THRB: variants seen among roughly 807,000 people sequenced by gnomAD.
The protein encoded by THRB is nuclear receptor subfamily 1 group A member 2.
Under a neutral mutation model 47.8 loss-of-function variants are expected in THRB, and 12 were observed. The observed-to-expected ratio is 0.25, with a 90% CI of 0.16 to 0.41. The LOEUF (loss-of-function observed/expected upper bound fraction) is 0.41, where lower values mean the gene tolerates loss of function less well. Among genes scored for constraint, THRB ranks in the 10% least tolerant of loss-of-function variants. The pLI, the probability that THRB is intolerant of heterozygous loss-of-function variation, is 1.00. For missense variants in THRB, 348 were observed against 589.2 expected (o/e 0.59, Z 4.24); for synonymous variants, 218 against 212.2 (o/e 1.03, Z -0.24).
chr3:24,426,169 G>A (rs758435120), intron 1 of THRB, among the ~76,000 whole-genome samples: 18 of 151,760 alleles, frequency 1.2e-4, no homozygotes, highest in South Asian at 2.1e-4. Flanking sequence ...GCTACCTATC[G>A]ATAATCTATC....
intron 3 of THRB, among the ~76,000 whole-genome samples, chr3:24,271,256 G>A (rs1290516727): frequency 6.6e-6 from 1 of 152,124 alleles, no homozygotes; most frequent in East Asian, 1.9e-4. Context: ...GAAACTGTAT[G>A]CATGCGGCTT....
chr3:24,151,269 T>C lies in THRB; in HGVS notation c.384+1121A>G, dbSNP rs560410481. On this transcript the variant is annotated intron_variant, in intron 6 of 10. Transcript: ENST00000646209. ...CGTACAAAAACATAGGGAATTTGCA[T>C]GGAAAATCTTCCACTAGGGAAAAGG... Among the ~76,000 whole-genome samples, 30 of 152,306 alleles carry C rather than the reference T, an allele frequency of 2.0e-4. No individual in the cohort carries two copies. The East Asian group carries it at 5.2e-3, about 26-fold the overall frequency.
intron 3 of THRB, among the ~76,000 whole-genome samples, chr3:24,276,356 C>T (rs868699420): frequency 2.0e-5 from 3 of 152,150 alleles, no homozygotes; most frequent in East Asian, 1.9e-4. Context: ...AATGCATTCA[C>T]CAAACATTTA....
chr3:24,323,217 A>T (rs149872734), intron 2 of THRB, among the ~76,000 whole-genome samples: 1 of 148,308 alleles, frequency 6.7e-6, no homozygotes, highest in East Asian at 2.0e-4. Context: ...ATTCCTACGC[A>T]CGGTTTTTGG....
chr3:24,373,048 T>C (rs958548436), intron 1 of THRB, among the ~76,000 whole-genome samples: 2 of 151,582 alleles, frequency 1.3e-5, no homozygotes, highest in Admixed American at 6.6e-5. Context: ...GACTCTGGAG[T>C]CCCCCAGCAA....
intron 1 of THRB, among the ~76,000 whole-genome samples, chr3:24,434,655 G>A (rs2070759415): frequency 6.6e-6 from 1 of 152,210 alleles, no homozygotes; most frequent in South Asian, 2.1e-4. Context: ...TACAGAGAAA[G>A]TGCTACTTCA....
chr3:24,195,860 C>A (rs1015988060), intron 4 of THRB, among the ~76,000 whole-genome samples: 4 of 152,196 alleles, frequency 2.6e-5, no homozygotes, highest in Non-Finnish European at 4.4e-5. Context: ...TTGAGGGAGG[C>A]CTTTCCTGAC....
intron 3 of THRB, among the ~76,000 whole-genome samples, chr3:24,289,837 G>A (rs1042240054): frequency 1.3e-5 from 2 of 152,116 alleles, no homozygotes; most frequent in Admixed American, 6.5e-5. Flanking sequence ...ATATCTATAT[G>A]TATACCTCAG....
chr3:24,151,725 G>A (rs2149095047), intron 6 of THRB, among the ~76,000 whole-genome samples: 1 of 152,300 alleles, frequency 6.6e-6, no homozygotes, highest in East Asian at 1.9e-4. Flanking sequence ...TTGTAAGTAG[G>A]CCAATTTAGG....
chr3:24,244,760 G>C (rs1282022149), intron 3 of THRB, among the ~76,000 whole-genome samples: 1 of 152,176 alleles, frequency 6.6e-6, no homozygotes, highest in African/African-American at 2.4e-5. Flanking sequence ...TTAGCTAGCA[G>C]CCCTGTGAAT....
chr3:24,362,677 T>C (rs1364608010), intron 1 of THRB, among the ~76,000 whole-genome samples: 2 of 152,204 alleles, frequency 1.3e-5, no homozygotes, highest in Non-Finnish European at 2.9e-5. Flanking sequence ...ATCTGGCACT[T>C]GATAAACATT....
At chr3:24,241,017 G>C (rs2049434953) in intron 3 of THRB, among the ~76,000 whole-genome samples, 1 of 152,160 alleles carries the variant, frequency 6.6e-6, no homozygotes, top group Non-Finnish European at 1.5e-5. Context: ...GTCCAGCTGT[G>C]TTGGTGGACT....
chr3:24,350,137 T>TCACA (rs1179744182), intron 1 of THRB, among the ~76,000 whole-genome samples: 1 of 152,088 alleles, frequency 6.6e-6, no homozygotes, highest in Non-Finnish European at 1.5e-5. Flanking sequence ...TCATTATTTA[T>TCACA]CAGGAGAGTG....
At chr3:24,374,464 G>A (rs979492142) in intron 1 of THRB, among the ~76,000 whole-genome samples, 19 of 151,966 alleles carry the variant, frequency 1.3e-4, no homozygotes, top group African/African-American at 4.3e-4. Context: ...GCTTATGTAC[G>A]TGTATTTACA....
intron 5 of THRB, among the ~76,000 whole-genome samples, chr3:24,167,938 A>G (rs1489400413): frequency 2.0e-5 from 3 of 152,140 alleles, no homozygotes; most frequent in Admixed American, 1.3e-4. Context: ...CTGCTGAAAA[A>G]CTTTCTCTCT....
intron 4 of THRB, among the ~76,000 whole-genome samples, chr3:24,212,864 A>C (rs979576949): frequency 6.6e-6 from 1 of 152,190 alleles, no homozygotes; most frequent in African/African-American, 2.4e-5. Context: ...TTTGTCCTCA[A>C]GATTAAGGCA....
intron 1 of THRB, among the ~76,000 whole-genome samples, chr3:24,479,373 C>T (rs1212442965): frequency 6.6e-6 from 1 of 152,178 alleles, no homozygotes; most frequent in Admixed American, 6.5e-5. Context: ...GCCCCTCCGA[C>T]CCCAACAAAT....
chr3:24,432,283 C>A (rs1042821312), intron 1 of THRB, among the ~76,000 whole-genome samples: 3 of 152,032 alleles, frequency 2.0e-5, no homozygotes, highest in Non-Finnish European at 4.4e-5. Flanking sequence ...TGGCAGGCAA[C>A]CTAAGGTGTA....
chr3:24,205,670 T>C (rs2045245908), intron 4 of THRB, among the ~76,000 whole-genome samples: 1 of 152,166 alleles, frequency 6.6e-6, no homozygotes, highest in African/African-American at 2.4e-5. Context: ...TAAATGTAAA[T>C]GGGCTCATTG....
Sources: gnomAD v4.1 joint callset for allele counts (sites outside exome capture counted in the v4.1 genomes callset) on GRCh38, gnomAD v4.1.1 for gene constraint, MANE v1.5 for transcripts, NCBI Gene and HGNC (gene_info 2026-07-23, HGNC 2026-07-21) for gene names.